The following TCEA1 variants were observed in gnomAD, a reference collection of about 807,000 sequenced individuals.
The protein encoded by TCEA1 is transcription elongation factor A protein 1.
A neutral mutation model predicts 43.8 loss-of-function variants in TCEA1; 21 were observed. That is an observed-to-expected ratio of 0.48 (90% CI 0.34 to 0.69). The LOEUF (loss-of-function observed/expected upper bound fraction) is 0.69. Among genes scored for constraint, TCEA1 ranks in the 30% least tolerant of loss-of-function variants. The probability of loss-of-function intolerance (pLI) is 0.01; values close to 1 mark genes in which losing one functional copy is unlikely to be tolerated. For synonymous variants in TCEA1, 104 were observed against 117.5 expected, an observed-to-expected ratio of 0.88 and a Z score of 0.75; for missense variants, 250 against 365.1, an observed-to-expected ratio of 0.68 and a Z score of 2.57.
rs1464932723 is a variant in TCEA1, at chr8:54,022,154, C to G, written c.-29G>C. 3 of 1,602,404 alleles carry G rather than the reference C, an allele frequency of 1.9e-6. No homozygotes were observed. The highest frequency in any genetic ancestry group is 2.6e-6 in the Non-Finnish European group (3 of 1,175,060). Reference sequence around the variant, plus strand: ...TCCGGCAGGTCTTCTCCGCGCCCACCCCGCTGGCAAGGGGAAGTGGGCGAA... The same window carrying G: ...TCCGGCAGGTCTTCTCCGCGCCCACGCCGCTGGCAAGGGGAAGTGGGCGAA... On this transcript the variant is annotated 5_prime_UTR_variant, in exon 1 of 10. Transcript: ENST00000521604.
chr8:53,995,659 C>T (rs899410259), intron 3 of TCEA1, among the ~76,000 whole-genome samples: 5 of 152,154 alleles, frequency 3.3e-5, no homozygotes, highest in African/African-American at 1.2e-4. Flanking sequence ...AGCAGAATCA[C>T]CTAGGGAGCT....
At chr8:54,014,988 G>A (rs769235757) in intron 1 of TCEA1, among the ~76,000 whole-genome samples, 1 of 152,152 alleles carries the variant, frequency 6.6e-6, no homozygotes, top group Non-Finnish European at 1.5e-5. Context: ...CATGGTTGAT[G>A]AGGAGTACAA....
intron 1 of TCEA1, among the ~76,000 whole-genome samples, chr8:54,017,894 T>A (rs566299875): frequency 6.6e-6 from 1 of 152,304 alleles, no homozygotes; most frequent in East Asian, 1.9e-4. Context: ...CACTCCAGCC[T>A]GAGTGACATG....
chr8:54,008,172 C>CAAAAA (rs777634895), intron 2 of TCEA1, among the ~76,000 whole-genome samples: 1 of 42,350 alleles, frequency 2.4e-5, no homozygotes, highest in Non-Finnish European at 4.4e-5. Flanking sequence ...AACTGTGTCT[C>CAAAAA]AAAAAAAAAA....
At chr8:54,015,171 T>C (rs1271353153) in intron 1 of TCEA1, among the ~76,000 whole-genome samples, 3 of 143,370 alleles carry the variant, frequency 2.1e-5, no homozygotes, top group African/African-American at 9.1e-5. Flanking sequence ...ATTAAGATAT[T>C]ATCCATTTTT....
At chr8:54,016,544 A>G (rs1250570559) in intron 1 of TCEA1, among the ~76,000 whole-genome samples, 2 of 152,148 alleles carry the variant, frequency 1.3e-5, no homozygotes, top group South Asian at 4.1e-4. Context: ...TGATGAATGA[A>G]TAAGCAAATC....
intron 4 of TCEA1, among the ~76,000 whole-genome samples, chr8:53,992,955 CTT>C (rs34864863): frequency 3.5e-4 from 48 of 136,088 alleles, no homozygotes; most frequent in Admixed American, 4.5e-4. Context: ...TAACAAATGG[CTT>C]TTTTTTTTTT....
intron 7 of TCEA1, among the ~76,000 whole-genome samples, chr8:53,983,883 G>A (rs1204364791): frequency 6.6e-6 from 1 of 152,162 alleles, no homozygotes; most frequent in Non-Finnish European, 1.5e-5. Flanking sequence ...CAGATCATCT[G>A]GAGGTTGGGA....
At position 53,970,127 on chromosome 8, in the gene TCEA1, G is replaced by A; in HGVS notation, c.897+265C>T. 4.6e-6 allele frequency: 2 copies of A among 438,498 alleles called. 1 individual carries two copies. The highest frequency in any genetic ancestry group is 8.1e-6 in the Non-Finnish European group (2 of 245,550). The allele number at this position is 438,498 out of a possible 1,614,324, so 27.2% of individuals were successfully genotyped here. On this transcript the variant is annotated intron_variant, in intron 9 of 9. Coordinates refer to ENST00000521604, the MANE Select transcript of TCEA1 (RefSeq NM_006756.4). Reference sequence around the variant, plus strand: ...TAATGAATATAGTATAAATAGGACAGTGATATAATAATTGAACAGTTAAGA... The same window carrying A: ...TAATGAATATAGTATAAATAGGACAATGATATAATAATTGAACAGTTAAGA...
chr8:54,021,782 T>C (rs1805041530), intron 1 of TCEA1: 1 of 319,424 alleles, frequency 3.1e-6, no homozygotes, highest in Non-Finnish European at 5.6e-6. Flanking sequence ...AAGTTTAAAG[T>C]CAACGGAGAG....
intron 1 of TCEA1, among the ~76,000 whole-genome samples, chr8:54,018,323 C>CT (rs1175091283): frequency 6.6e-6 from 1 of 152,164 alleles, no homozygotes; most frequent in African/African-American, 2.4e-5. Flanking sequence ...AACTTCAAAA[C>CT]TTTATGTCCT....
intron 2 of TCEA1, among the ~76,000 whole-genome samples, chr8:54,001,651 C>T (rs1743037504): frequency 6.6e-6 from 1 of 152,112 alleles, no homozygotes; most frequent in Non-Finnish European, 1.5e-5. Context: ...TGGCACTTTA[C>T]TAGGGGCTTG....
intron 4 of TCEA1, among the ~76,000 whole-genome samples, chr8:53,991,286 G>A (rs1225346291): frequency 2.6e-5 from 4 of 152,114 alleles, no homozygotes; most frequent in Admixed American, 6.6e-5. Context: ...CCAGCTACTC[G>A]GGAGGCTGAG....
At position 53,984,466 on chromosome 8, in the gene TCEA1, C is replaced by A; in HGVS notation, c.575G>T (p.Arg192Leu). The change falls in exon 7 of 10, where the codon CGA (arginine) becomes CTA (leucine). Residue 192 changes from arginine to leucine, a missense_variant. By Grantham distance (102) the Arg-to-Leu change is moderately radical (BLOSUM62 -2). Coordinates refer to ENST00000521604, the MANE Select transcript of TCEA1 (RefSeq NM_006756.4). ...ATCTTTAAGATTTGATATCCTACTTCGTACTCTATTTTTGTATTTCATGTC... is the reference window on the plus strand; with the variant it reads ...ATCTTTAAGATTTGATATCCTACTTAGTACTCTATTTTTGTATTTCATGTC... ...NTDMKYKNRVRSRISNLKDAK... is the reference protein window; with the variant it reads ...NTDMKYKNRVLSRISNLKDAK... 1.2e-6 allele frequency: 2 copies of A among 1,601,634 alleles called. No homozygotes were observed. The highest frequency in any genetic ancestry group is 1.7e-6 in the Non-Finnish European group (2 of 1,174,186).
intron 8 of TCEA1, among the ~76,000 whole-genome samples, chr8:53,976,649 T>C (rs1196485353): frequency 6.6e-6 from 1 of 152,144 alleles, no homozygotes; most frequent in East Asian, 1.9e-4. Flanking sequence ...TATGTAAGTA[T>C]ATCACTTTTA....
At chr8:53,993,327 T>TAA in intron 4 of TCEA1, 6 of 154,212 alleles carry the variant, frequency 3.9e-5, no homozygotes, top group East Asian at 1.8e-4. Context: ...AAAATAAATC[T>TAA]AAAAAAAAAA....
intron 4 of TCEA1, among the ~76,000 whole-genome samples, chr8:53,993,127 ATTTTTTT>A (rs11306062): frequency 1.9e-4 from 16 of 84,192 alleles, no homozygotes; most frequent in East Asian, 8.4e-4. Flanking sequence ...TACATGGCTA[ATTTTTTT>A]TTTTTTTTTT....
rs1461950679 is a variant in TCEA1, at chr8:54,010,139, T to C, written c.126+291A>G. 17 of 314,780 alleles carry C rather than the reference T, an allele frequency of 5.4e-5. No homozygotes were observed. In the Admixed American group the frequency reaches 8.8e-4, roughly 16 times the overall value. 19.5% of individuals were successfully genotyped at this position (314,780 alleles called of 1,614,324 possible). On this transcript the variant is annotated intron_variant, in intron 2 of 9. Coordinates refer to ENST00000521604, the MANE Select transcript of TCEA1 (RefSeq NM_006756.4). The stretch of plus-strand genomic sequence containing the variant: ...TCAATAATAGATCAAGAAAGGGAAA[T>C]CTTAGGAGACCAAATCAGGGCCAAG...
chr8:54,022,284 C>T lies in TCEA1; in HGVS notation c.-159G>A. 1.3e-6 allele frequency: 1 copy of T among 786,258 alleles called. No homozygotes were observed. The allele number at this position is 786,258 out of a possible 1,614,324, so 48.7% of individuals were successfully genotyped here. ...TCCTTACGAACGAAGCCCGCGGCGG[C>T]GGCGGCGGCGGCGGCGGCTCCGGCT... On this transcript the variant is annotated 5_prime_UTR_variant, in exon 1 of 10. Coordinates refer to ENST00000521604, the MANE Select transcript of TCEA1 (RefSeq NM_006756.4).
Sources: allele counts gnomAD v4.1 joint callset (sites outside exome capture counted in the v4.1 genomes callset), GRCh38; gene constraint gnomAD v4.1.1; transcripts MANE v1.5; gene names NCBI Gene and HGNC (gene_info 2026-07-23, HGNC 2026-07-21).